ADAMTS17: variants seen among roughly 807,000 people sequenced by gnomAD.
ADAMTS17 encodes ADAM metallopeptidase with thrombospondin type 1 motif 17.
In ADAMTS17, 113 loss-of-function variants were observed where a neutral mutation model predicts 141.5. That is an observed-to-expected ratio of 0.80 (90% CI 0.69 to 0.93). The LOEUF (loss-of-function observed/expected upper bound fraction) is 0.93. Among genes scored for constraint, ADAMTS17 ranks in the 40% least tolerant of loss-of-function variants. The pLI is 0.00. For missense variants in ADAMTS17, 1,659 were observed against 1,517.9 expected (o/e 1.09, Z -1.54); for synonymous variants, 768 against 630.6 (o/e 1.22, Z -3.27).
chr15:100,285,682 A>T, intron 3 of ADAMTS17, among the ~76,000 whole-genome samples: 1 of 152,220 alleles, frequency 6.6e-6, no homozygotes. Flanking sequence ...TCCTAGCTGC[A>T]GGAGATCCCA....
intron 7 of ADAMTS17, among the ~76,000 whole-genome samples, chr15:100,205,664 G>T (rs1376646560): frequency 6.6e-6 from 1 of 152,292 alleles, no homozygotes; most frequent in Non-Finnish European, 1.5e-5. Context: ...CATCAGAGGA[G>T]CCTTGAAAAT....
rs1477025194 is a variant in ADAMTS17 at position 100,341,891 on chromosome 15, G to A, written c.9C>T (p.Asp3=). Reference sequence around the variant, plus strand: ...GGACGAGCGGAGGCAGCAGGGCGCCGTCACACATGGTACCCGGGACCGGCA... The same window carrying A: ...GGACGAGCGGAGGCAGCAGGGCGCCATCACACATGGTACCCGGGACCGGCA... MC[D]GALLPPLVLP... The change falls in exon 1 of 22, where the codon GAC becomes GAT. Residue 3 remains aspartate, a synonymous_variant. Transcript: ENST00000268070. The A allele has an allele frequency of 7.1e-6, 11 of 1,550,374 alleles. No homozygotes were observed. The South Asian group carries it at 8.3e-5, about 12-fold the overall frequency.
At chr15:100,313,444 C>A (rs1056925270) in intron 3 of ADAMTS17, among the ~76,000 whole-genome samples, 1 of 152,160 alleles carries the variant, frequency 6.6e-6, no homozygotes, top group Non-Finnish European at 1.5e-5. Context: ...CATGATGTTG[C>A]AAAAGTGTTT....
chr15:100,337,113 G>GT (rs1431624064), intron 2 of ADAMTS17, among the ~76,000 whole-genome samples: 1 of 152,122 alleles, frequency 6.6e-6, no homozygotes, highest in African/African-American at 2.4e-5. Context: ...TGACCTGCTG[G>GT]TCCACCCACC....
chr15:100,060,737 A>G (rs1391715061), intron 15 of ADAMTS17, among the ~76,000 whole-genome samples: 5 of 152,204 alleles, frequency 3.3e-5, no homozygotes, highest in Admixed American at 1.3e-4. Context: ...ATGGATACAA[A>G]CTGCCCAGGC....
chr15:100,248,619 G>A (rs529860246), intron 7 of ADAMTS17, among the ~76,000 whole-genome samples: 1 of 152,342 alleles, frequency 6.6e-6, no homozygotes, highest in Non-Finnish European at 1.5e-5. Flanking sequence ...CATGTGCAGA[G>A]TGGGGGCCAC....
chr15:100,279,531 T>A (rs1001015662), intron 4 of ADAMTS17, among the ~76,000 whole-genome samples: 1 of 152,244 alleles, frequency 6.6e-6, no homozygotes, highest in African/African-American at 2.4e-5. Context: ...AACCTTGCCC[T>A]GTCCTCTCGC....
At chr15:100,308,650 A>G (rs566382151) in intron 3 of ADAMTS17, among the ~76,000 whole-genome samples, 1 of 152,316 alleles carries the variant, frequency 6.6e-6, no homozygotes, top group African/African-American at 2.4e-5. Context: ...TTCATGAAAA[A>G]AGAAAAAAAA....
chr15:100,090,780 G>A (rs1232903982), intron 15 of ADAMTS17, among the ~76,000 whole-genome samples: 1 of 152,086 alleles, frequency 6.6e-6, no homozygotes, highest in Non-Finnish European at 1.5e-5. Context: ...GGCTGAGGCG[G>A]GTGGATCATG....
chr15:100,159,381 C>A (rs1171574565), intron 8 of ADAMTS17, among the ~76,000 whole-genome samples: 2 of 152,222 alleles, frequency 1.3e-5, no homozygotes, highest in African/African-American at 4.8e-5. Flanking sequence ...TACCTGGTAG[C>A]TTTTTCTTTC....
chr15:100,221,942 G>A (rs1307322450), intron 7 of ADAMTS17, among the ~76,000 whole-genome samples: 2 of 152,192 alleles, frequency 1.3e-5, no homozygotes, highest in Admixed American at 6.5e-5. Context: ...CTGAGAAGCT[G>A]TGCAGGCATC....
At chr15:100,320,238 A>G (rs1003415699) in intron 3 of ADAMTS17, among the ~76,000 whole-genome samples, 4 of 152,174 alleles carry the variant, frequency 2.6e-5, no homozygotes, top group Non-Finnish European at 4.4e-5. Flanking sequence ...AGATCCACAT[A>G]TATCAACTAG....
intron 6 of ADAMTS17, 36 bp from the exon 7 acceptor site, chr15:100,254,215 G>A: frequency 1.9e-6 from 3 of 1,583,538 alleles, no homozygotes; most frequent in South Asian, 2.2e-5. Context: ...GGTATATGCA[G>A]TATCCCCAAG....
At position 100,048,978 on chromosome 15, in the gene ADAMTS17, T is replaced by C. The variant is rs765130858; in HGVS notation, c.2470A>G (p.Ile824Val). The C allele has an allele frequency of 3.7e-6, 6 of 1,614,090 alleles. No homozygotes were observed. The highest frequency in any genetic ancestry group is 2.2e-5 in the East Asian group (1 of 44,888). ...VQCGGGERRT[I>V]VSCTRIVNKT... is the part of the protein sequence containing the mutation. ...TTGACAATCCGTGTACACGAGACGA[T>C]GGTTCTGCGCTCCCCTGGAAACCAA... The change falls in exon 18 of 22, where the codon ATC (isoleucine) becomes GTC (valine). Residue 824 changes from isoleucine to valine, a missense_variant. Ile to Val is a conservative substitution (Grantham distance 29, BLOSUM62 3). Coordinates refer to ENST00000268070, the MANE Select transcript of ADAMTS17 (RefSeq NM_139057.4).
intron 15 of ADAMTS17, 76 bp downstream of exon 15, chr15:100,096,280 G>C: frequency 1.2e-6 from 2 of 1,602,082 alleles, no homozygotes. Flanking sequence ...GAAATGTAGG[G>C]AAGACTGCAA....
intron 18 of ADAMTS17, among the ~76,000 whole-genome samples, chr15:100,045,792 G>A (rs928165139): frequency 2.0e-5 from 3 of 152,144 alleles, no homozygotes; most frequent in Non-Finnish European, 4.4e-5. Context: ...TTTGGTTGAA[G>A]AGCTGTCAAC....
chr15:100,116,284 G>A (rs986059272), intron 13 of ADAMTS17, among the ~76,000 whole-genome samples: 2 of 152,060 alleles, frequency 1.3e-5, no homozygotes, highest in African/African-American at 4.8e-5. Flanking sequence ...TGCTTGCAGT[G>A]GCCCGATGGG....
chr15:100,086,173 C>A (rs1274258907), intron 15 of ADAMTS17, among the ~76,000 whole-genome samples: 2 of 151,956 alleles, frequency 1.3e-5, no homozygotes, highest in African/African-American at 4.8e-5. Flanking sequence ...AGATGGAAAA[C>A]AGAAAAAGGC....
intron 10 of ADAMTS17, among the ~76,000 whole-genome samples, chr15:100,140,753 T>A (rs1191695609): frequency 1.3e-5 from 2 of 151,716 alleles, no homozygotes; most frequent in Admixed American, 1.3e-4. Context: ...TACCTCTCCA[T>A]CAGTCCCCAA....
Sources: allele counts gnomAD v4.1 joint callset (sites outside exome capture counted in the v4.1 genomes callset), GRCh38; gene constraint gnomAD v4.1.1; transcripts MANE v1.5; gene names NCBI Gene and HGNC (gene_info 2026-07-23, HGNC 2026-07-21).